The following ANO2 variants were observed in gnomAD, a reference collection of about 807,000 sequenced individuals.
The protein encoded by ANO2 is anoctamin 2.
In ANO2, 101 loss-of-function variants were observed where a neutral mutation model predicts 124.2. The observed-to-expected ratio is 0.81, with a 90% CI of 0.69 to 0.96. ANO2 has a LOEUF of 0.96. Among genes scored for constraint, ANO2 ranks in the 40% least tolerant of loss-of-function variants. The probability of loss-of-function intolerance (pLI) is 0.00; values close to 1 mark genes in which losing one functional copy is unlikely to be tolerated. For synonymous variants in ANO2, 486 were observed against 482.5 expected (o/e 1.01, Z -0.09); for missense variants, 1,293 against 1,274.5 (o/e 1.01, Z -0.22).
intron 1 of ANO2, among the ~76,000 whole-genome samples, chr12:5,935,517 A>T (rs536954084): frequency 1.8e-4 from 27 of 152,336 alleles, no homozygotes; most frequent in African/African-American, 5.5e-4. Flanking sequence ...GGTCTAGCCA[A>T]ATGCAGATCG....
intron 12 of ANO2, chr12:5,740,817 A>G (rs1381007399): frequency 6.6e-6 from 1 of 152,180 alleles, no homozygotes; most frequent in African/African-American, 2.4e-5. Context: ...CGAACTATCT[A>G]TCTGAATCGC....
intron 10 of ANO2, among the ~76,000 whole-genome samples, chr12:5,765,324 C>A (rs1045228217): frequency 6.6e-6 from 1 of 152,188 alleles, no homozygotes; most frequent in Admixed American, 6.5e-5. Flanking sequence ...TCAGCTCCAG[C>A]AGTCCGGGGT....
At position 5,912,580 on chromosome 12, in the gene ANO2, A is replaced by T. The variant is rs148291902; in HGVS notation, c.534+8460T>A. On this transcript the variant is annotated intron_variant, in intron 3 of 24. Coordinates refer to ENST00000682330, the MANE Select transcript of ANO2 (RefSeq NM_001364791.2). Reference sequence around the variant, plus strand: ...TTGCCCCTCCCTGCTTTCCCTGTGCATCCCCACCCCAGGCTGCCCGGAGGC... The same window carrying T: ...TTGCCCCTCCCTGCTTTCCCTGTGCTTCCCCACCCCAGGCTGCCCGGAGGC... Among the ~76,000 whole-genome samples the T allele has an allele frequency of 9.6e-3, 1,463 of 152,278 alleles. 30 individuals are homozygous for T. The highest frequency in any genetic ancestry group is 0.041 in the Admixed American group (628 of 15,300).
At chr12:5,588,271 T>C (rs1943223454) in intron 20 of ANO2, among the ~76,000 whole-genome samples, 1 of 151,718 alleles carries the variant, frequency 6.6e-6, no homozygotes, top group South Asian at 2.1e-4. Flanking sequence ...TTTGGTTTCA[T>C]TGCTCTCATT....
chr12:5,922,596 A>AAC, intron 2 of ANO2, 24 bp downstream of exon 2: 7 of 789,754 alleles, frequency 8.9e-6, no homozygotes, highest in East Asian at 4.1e-5. Context: ...CTATCCCCCC[A>AAC]CCCCACCCCC....
chr12:5,585,328 G>A (rs528608949), intron 20 of ANO2, among the ~76,000 whole-genome samples: 5 of 152,202 alleles, frequency 3.3e-5, no homozygotes, highest in South Asian at 2.1e-4. Flanking sequence ...ACAATGGATC[G>A]GGCCTGATTC....
intron 14 of ANO2, among the ~76,000 whole-genome samples, chr12:5,729,740 C>T (rs1307435784): frequency 2.0e-5 from 3 of 148,366 alleles, no homozygotes; most frequent in African/African-American, 7.4e-5. Context: ...TTCCTAATAG[C>T]CCAAAAGTAG....
chr12:5,778,637 A>G (rs995353029), intron 10 of ANO2, among the ~76,000 whole-genome samples: 1 of 152,246 alleles, frequency 6.6e-6, no homozygotes, highest in African/African-American at 2.4e-5. Flanking sequence ...ATAAATGTAT[A>G]TCTTACAATC....
At chr12:5,640,713 G>A (rs1253663958) in intron 15 of ANO2, among the ~76,000 whole-genome samples, 1 of 152,176 alleles carries the variant, frequency 6.6e-6, no homozygotes, top group South Asian at 2.1e-4. Context: ...ATCATTAAAA[G>A]TCAGGAAACA....
intron 3 of ANO2, among the ~76,000 whole-genome samples, chr12:5,886,497 A>G (rs528835905): frequency 6.6e-6 from 1 of 152,362 alleles, no homozygotes; most frequent in African/African-American, 2.4e-5. Flanking sequence ...GCTGTACAAC[A>G]TAGTGGCTAC....
chr12:5,681,048 C>T (rs957792709), intron 14 of ANO2, among the ~76,000 whole-genome samples: 7 of 152,208 alleles, frequency 4.6e-5, no homozygotes, highest in African/African-American at 1.7e-4. Flanking sequence ...CTGGTAATAG[C>T]AGTGTCCTCT....
chr12:5,696,530 G>A (rs963381434), intron 14 of ANO2, among the ~76,000 whole-genome samples: 1 of 151,970 alleles, frequency 6.6e-6, no homozygotes, highest in African/African-American at 2.4e-5. Flanking sequence ...TTTTTTAAAT[G>A]AGTTTTATCA....
intron 3 of ANO2, among the ~76,000 whole-genome samples, chr12:5,872,941 G>A (rs149059450): frequency 6.6e-6 from 1 of 152,232 alleles, no homozygotes; most frequent in Non-Finnish European, 1.5e-5. Flanking sequence ...GGGAAACACT[G>A]CTCCCTGGTG....
At chr12:5,848,863 T>C (rs777793876) in intron 4 of ANO2, among the ~76,000 whole-genome samples, 2 of 152,208 alleles carry the variant, frequency 1.3e-5, no homozygotes, top group African/African-American at 2.4e-5. Flanking sequence ...CTTGTACCAA[T>C]TGCGCTGCCT....
chr12:5,916,988 C>T (rs1941419674), intron 3 of ANO2, among the ~76,000 whole-genome samples: 1 of 152,182 alleles, frequency 6.6e-6, no homozygotes, highest in South Asian at 2.1e-4. Flanking sequence ...AGGTGGAAGT[C>T]TGATGACAGG....
chr12:5,877,942 C>T (rs1410743670), intron 3 of ANO2, among the ~76,000 whole-genome samples: 1 of 152,218 alleles, frequency 6.6e-6, no homozygotes, highest in East Asian at 1.9e-4. Context: ...ACAGATGAAG[C>T]TTCACTTGTT....
At chr12:5,648,274 T>C (rs576097541) in intron 14 of ANO2, among the ~76,000 whole-genome samples, 5 of 152,316 alleles carry the variant, frequency 3.3e-5, no homozygotes, top group East Asian at 1.9e-4. Context: ...ATCCTATAAA[T>C]AGATTATCTG....
intron 10 of ANO2, among the ~76,000 whole-genome samples, chr12:5,760,931 G>A (rs764687063): frequency 5.3e-5 from 8 of 151,866 alleles, no homozygotes; most frequent in South Asian, 4.2e-4. Context: ...GAAATCAGTC[G>A]AACACGGATT....
chr12:5,718,427 T>C (rs576961352), intron 14 of ANO2, among the ~76,000 whole-genome samples: 1 of 152,280 alleles, frequency 6.6e-6, no homozygotes, highest in South Asian at 2.1e-4. Context: ...TGTTCCCCAT[T>C]CTATCATCTG....
Sources: allele counts gnomAD v4.1 joint callset (sites outside exome capture counted in the v4.1 genomes callset), GRCh38; gene constraint gnomAD v4.1.1; transcripts MANE v1.5; gene names NCBI Gene and HGNC (gene_info 2026-07-23, HGNC 2026-07-21).